Variants in ADGRL3 observed in about 807,000 individuals in gnomAD.
The protein encoded by ADGRL3 is adhesion G protein-coupled receptor L3, also known as calcium-independent alpha-latrotoxin receptor 3.
Under a neutral mutation model 153.5 loss-of-function variants are expected in ADGRL3, and 62 were observed. The ratio of observed to expected loss-of-function variants is 0.40; its 90% CI spans 0.33 to 0.50. ADGRL3 has a LOEUF of 0.50. ADGRL3 is among the 20% of genes least tolerant of loss of function. The probability of loss-of-function intolerance (pLI) is 0.47; values close to 1 mark genes in which losing one functional copy is unlikely to be tolerated. For synonymous variants in ADGRL3, 710 were observed against 672.5 expected (o/e 1.06, Z -0.86); for missense variants, 1,641 against 1,859.4 (o/e 0.88, Z 2.16).
intron 1 of ADGRL3, among the ~76,000 whole-genome samples, chr4:61,350,344 T>G (rs1352722746): frequency 1.7e-4 from 4 of 23,198 alleles, no homozygotes; most frequent in Non-Finnish European, 2.5e-4. Context: ...CTGATGGAGG[T>G]TTTTTTTTTT....
chr4:61,593,722 C>T (rs922517583), intron 5 of ADGRL3, among the ~76,000 whole-genome samples: 5 of 152,006 alleles, frequency 3.3e-5, no homozygotes, highest in Admixed American at 2.6e-4. Context: ...CCTCTGGCTG[C>T]TTTTAGGATC....
At chr4:61,889,001 C>T (rs1363638662) in intron 9 of ADGRL3, among the ~76,000 whole-genome samples, 1 of 152,110 alleles carries the variant, frequency 6.6e-6, no homozygotes, top group Non-Finnish European at 1.5e-5. Context: ...ACCCCATTTG[C>T]TTGTCCCACT....
intron 8 of ADGRL3, among the ~76,000 whole-genome samples, chr4:61,768,793 C>T (rs940633192): frequency 2.6e-5 from 4 of 151,560 alleles, no homozygotes; most frequent in South Asian, 2.1e-4. Flanking sequence ...AGTAGAGGCA[C>T]GGAGAAGGGG....
At position 61,617,870 on chromosome 4, in the gene ADGRL3, A is replaced by C. The variant is rs560759852; in HGVS notation, c.473+30430A>C. ...ATCTATCTGCTTCCATTATCTAGCT[A>C]GGATTTTCTCTGACTGCTCTGTAGC... On this transcript the variant is annotated intron_variant, in intron 5 of 26. Coordinates refer to ENST00000683033, the MANE Select transcript of ADGRL3 (RefSeq NM_001387552.1). Among the ~76,000 whole-genome samples, 6 of 152,320 alleles carry C rather than the reference A, an allele frequency of 3.9e-5. No individual in the cohort carries two copies. The South Asian group carries it at 1.0e-3, about 26-fold the overall frequency.
At chr4:62,006,158 C>A (rs1448754106) in intron 21 of ADGRL3, among the ~76,000 whole-genome samples, 1 of 150,942 alleles carries the variant, frequency 6.6e-6, no homozygotes, top group African/African-American at 2.4e-5. Flanking sequence ...CCTCAGCCTC[C>A]CAAGTAGCCA....
At chr4:61,354,030 AC>A (rs1329510259) in intron 1 of ADGRL3, among the ~76,000 whole-genome samples, 1 of 152,156 alleles carries the variant, frequency 6.6e-6, no homozygotes, top group African/African-American at 2.4e-5. Flanking sequence ...TCAGAAAAAA[AC>A]ATCATCTATA....
At chr4:62,050,909 T>C (rs1244264897) in intron 25 of ADGRL3, among the ~76,000 whole-genome samples, 3 of 151,808 alleles carry the variant, frequency 2.0e-5, no homozygotes, top group Non-Finnish European at 4.4e-5. Flanking sequence ...AATAACAAAC[T>C]ATTTTTATTT....
chr4:61,204,949 T>G (rs1373773281), intron 1 of ADGRL3, among the ~76,000 whole-genome samples: 1 of 152,140 alleles, frequency 6.6e-6, no homozygotes, highest in Non-Finnish European at 1.5e-5. Flanking sequence ...ATCATGATCT[T>G]CTTAACATTT....
intron 1 of ADGRL3, among the ~76,000 whole-genome samples, chr4:61,242,868 C>G (rs774655792): frequency 6.6e-6 from 1 of 151,992 alleles, no homozygotes; most frequent in Non-Finnish European, 1.5e-5. Flanking sequence ...TATATTAATT[C>G]TATAGTTTAT....
At chr4:61,731,218 C>T (rs1351523271) in intron 7 of ADGRL3, among the ~76,000 whole-genome samples, 1 of 151,970 alleles carries the variant, frequency 6.6e-6, no homozygotes, top group South Asian at 2.1e-4. Context: ...GGTAGTTAGC[C>T]TGTTCCCAAA....
chr4:61,844,576 ATATAT>A (rs1218589171), intron 9 of ADGRL3, among the ~76,000 whole-genome samples: 2 of 9,462 alleles, frequency 2.1e-4, no homozygotes, highest in Non-Finnish European at 4.2e-4. Flanking sequence ...AAAAAAAAAA[ATATAT>A]ATATATATAT....
intron 8 of ADGRL3, among the ~76,000 whole-genome samples, chr4:61,767,742 G>A (rs6811363): frequency 0.011 from 1,654 of 152,238 alleles, 36 homozygotes; most frequent in African/African-American, 0.037. Flanking sequence ...CCAGATTTCC[G>A]GCATGTGTAG....
intron 3 of ADGRL3, among the ~76,000 whole-genome samples, 167 bp downstream of exon 3, chr4:61,497,515 C>CTTTTTT (rs5858707): frequency 1.0e-5 from 1 of 95,340 alleles, no homozygotes; most frequent in African/African-American, 3.6e-5. Flanking sequence ...CTTTTCTTTT[C>CTTTTTT]TTTTTTTTTT....
intron 4 of ADGRL3, among the ~76,000 whole-genome samples, chr4:61,554,000 G>GGA (rs1307442152): frequency 2.0e-5 from 3 of 151,730 alleles, no homozygotes; most frequent in African/African-American, 7.3e-5. Flanking sequence ...GGAGAACAGA[G>GGA]GAGAAAGCTT....
chr4:61,598,108 AG>A (rs1486653972), intron 5 of ADGRL3, among the ~76,000 whole-genome samples: 2 of 152,304 alleles, frequency 1.3e-5, no homozygotes, highest in Admixed American at 1.3e-4. Context: ...AAGCAAACAT[AG>A]AGCCCTTCAA....
At position 62,073,933 on chromosome 4, in the gene ADGRL3, G is replaced by A. The variant is rs1191373094; in HGVS notation, c.*3025G>A. The A allele has an allele frequency of 2.6e-5, 4 of 151,840 alleles. No individual in the cohort carries two copies. The highest frequency in any genetic ancestry group is 1.3e-4 in the Admixed American group (2 of 15,226). 9.4% of individuals were successfully genotyped at this position (151,840 alleles called of 1,614,324 possible). A position where few individuals can be genotyped will look rare whatever the true frequency, so the allele number is the denominator to read the frequency against. On this transcript the variant is annotated 3_prime_UTR_variant, in exon 27 of 27. Transcript: ENST00000683033. ...CCGTAATTAAAAAAAATGGATAAAG[G>A]AGCTAATTTTACATACATTTCAATA... is the stretch of plus-strand genomic sequence containing the variant.
intron 1 of ADGRL3, among the ~76,000 whole-genome samples, chr4:61,203,020 C>T (rs535107141): frequency 1.3e-5 from 2 of 152,342 alleles, no homozygotes; most frequent in South Asian, 2.1e-4. Context: ...GTGTCCCCTT[C>T]CCCTGGAGAG....
At chr4:61,912,637 GTTCTT>G in intron 12 of ADGRL3, 77 bp from the exon 13 acceptor site, 1 of 1,251,100 alleles carries the variant, frequency 8.0e-7, no homozygotes, top group Non-Finnish European at 1.2e-6. Flanking sequence ...GTGTAGATGT[GTTCTT>G]TTATTTTTCT....
chr4:61,598,462 C>T (rs6823090), intron 5 of ADGRL3, among the ~76,000 whole-genome samples: 151,620 of 152,316 alleles, frequency 1, 75,470 homozygotes, highest in Non-Finnish European at 1. Flanking sequence ...CAGCAACAAA[C>T]AACAAAAAGA....
Sources: allele counts gnomAD v4.1 joint callset (sites outside exome capture counted in the v4.1 genomes callset), GRCh38; gene constraint gnomAD v4.1.1; transcripts MANE v1.5; gene names NCBI Gene and HGNC (gene_info 2026-07-23, HGNC 2026-07-21).